Variants in PROKR2 observed in about 807,000 individuals in gnomAD.
The protein encoded by PROKR2 is prokineticin receptor 2.
Under a neutral mutation model 23.4 loss-of-function variants are expected in PROKR2, and 26 were observed. The ratio of observed to expected loss-of-function variants is 1.11; its 90% confidence interval spans 0.81 to 1.54. The LOEUF (loss-of-function observed/expected upper bound fraction) is 1.54. Ranked by LOEUF, PROKR2 falls within the 40% of genes most tolerant of loss-of-function variation. The probability of loss-of-function intolerance (pLI) is 0.00; values close to 1 mark genes in which losing one functional copy is unlikely to be tolerated. For missense variants in PROKR2, 453 were observed against 511.5 expected (o/e 0.89, Z 1.10); for synonymous variants, 212 against 201.2 (o/e 1.05, Z -0.45).
In PROKR2 at chr20:5,302,285, C is replaced by T. The variant is rs774799224; in HGVS notation, c.910G>A (p.Val304Met). The change falls in exon 3 of 3, where the codon GTG (valine) becomes ATG (methionine). Residue 304 changes from valine to methionine, a missense_variant. Physicochemically the swap from Val to Met is conservative, Grantham distance 21. Transcript: ENST00000678254. The part of the protein sequence containing the change: ...FTIVRDFFPT[V>M]FVKEKHYLTA... ...AGGTAGTGCTTTTCCTTCACGAACA[C>T]AGTGGGGAAGAAGTCACGAACGATG... is the stretch of plus-strand genomic sequence containing the variant. 6.2e-7 allele frequency: 1 copy of T among 1,614,252 alleles called. No individual in the cohort carries two copies. Among genetic ancestry groups the T allele is most frequent in the South Asian group, 1.1e-5 (1 of 91,084 alleles).
intron 2 of PROKR2, among the ~76,000 whole-genome samples, chr20:5,306,292 A>G (rs1362701333): frequency 6.6e-6 from 1 of 152,196 alleles, no homozygotes; most frequent in Non-Finnish European, 1.5e-5. Flanking sequence ...GAAAAAAATC[A>G]GGTAAATGGA....
In PROKR2 at chr20:5,302,134, G is replaced by A. The variant is rs752089250; in HGVS notation, c.1061C>T (p.Pro354Leu). 1 of 1,614,174 alleles carries A rather than the reference G, an allele frequency of 6.2e-7. No individual in the cohort carries two copies. The highest frequency in any genetic ancestry group is 8.5e-7 in the Non-Finnish European group (1 of 1,180,032). Residue 354 changes from proline (P) to leucine (L), a missense_variant, in exon 3 of 3, where the codon CCC becomes CTC. By Grantham distance (98) the Pro-to-Leu change is moderately conservative (BLOSUM62 -3). Coordinates refer to ENST00000678254, the MANE Select transcript of PROKR2 (RefSeq NM_144773.4). ...ACTGGACTTGCTCCCCCGCTGGGAG[G>A]GACGCCAGTGCAGCAGCATCATCTT... ...FKKMMLLHWR[P>L]SQRGSKSSAD...
At chr20:5,315,808 C>A (rs1447506977) in intron 1 of PROKR2, 1 of 456,234 alleles carries the variant, frequency 2.2e-6, no homozygotes, top group Non-Finnish European at 4.4e-6. Flanking sequence ...ACACCCCAAT[C>A]CCCGCAGCCT....
chr20:5,308,085 G>T (rs1428922677), intron 2 of PROKR2, among the ~76,000 whole-genome samples: 2 of 152,174 alleles, frequency 1.3e-5, no homozygotes, highest in African/African-American at 4.8e-5. Context: ...TCTTTGTATA[G>T]TCTGCAGATG....
chr20:5,302,853 C>A, intron 2 of PROKR2, 117 bp from the exon 3 acceptor site: 1 of 757,726 alleles, frequency 1.3e-6, no homozygotes, highest in Non-Finnish European at 2.2e-6. Flanking sequence ...TACTTGTTAT[C>A]CAGCTTTAAC....
rs149992595 is a variant in PROKR2 at position 5,302,327 on chromosome 20, G to A, written c.868C>T (p.Pro290Ser). The change falls in exon 3 of 3, where the codon CCC becomes TCC. Residue 290 changes from proline to serine, a missense_variant. By Grantham distance (74) the Pro-to-Ser change is moderately conservative. Transcript: ENST00000678254. ...ILTAYVLCWA[P>S]FYGFTIVRDF... The stretch of plus-strand genomic sequence containing the variant: ...CGAACGATGGTGAAACCGTAGAAGG[G>A]TGCCCAGCACAGCACATAGGCCGTG... 2.4e-4 allele frequency: 382 copies of A among 1,614,204 alleles called. No individual in the cohort carries two copies. The highest frequency in any genetic ancestry group is 3.5e-4 in the Admixed American group (21 of 60,028).
Position 5,308,665 on chromosome 20 carries a change from C to G in PROKR2, c.458+5247G>C, listed in dbSNP as rs987542762. On this transcript the variant is annotated intron_variant, in intron 2 of 2. Transcript: ENST00000678254. ...ATTTCTGTGTGTGTGTCTTTAATTC[C>G]TCTAGCGCTGCTGGGGTAGGGTCTC... 7.2e-4 allele frequency among the ~76,000 whole-genome samples: 110 copies of G among 152,264 alleles called. 2 individuals carry two copies. The highest frequency in any genetic ancestry group is 2.7e-3 in the East Asian group (14 of 5,186).
rs887083169 is a variant in PROKR2, at chr20:5,299,734, C to T, written c.*2306G>A. ...CTGCCTCTGGGGTTCAAGCAATTCTCATGCCTCAGCCTCCTGAGGAGCTGG... is the reference window on the plus strand; with the variant it reads ...CTGCCTCTGGGGTTCAAGCAATTCTTATGCCTCAGCCTCCTGAGGAGCTGG... On this transcript the variant is annotated 3_prime_UTR_variant, in exon 3 of 3. Coordinates refer to ENST00000678254, the MANE Select transcript of PROKR2 (RefSeq NM_144773.4). Among the ~76,000 whole-genome samples, 5 of 152,206 alleles carry T rather than the reference C, an allele frequency of 3.3e-5. No individual in the cohort carries two copies. Among genetic ancestry groups the T allele is most frequent in the African/African-American group, 1.2e-4 (5 of 41,454 alleles).
rs1223806775 is a variant in PROKR2, at chr20:5,316,295, C to T, written c.-9+199G>A. On this transcript the variant is annotated intron_variant, in intron 1 of 2. Coordinates refer to ENST00000678254, the MANE Select transcript of PROKR2 (RefSeq NM_144773.4). The surrounding 1 kb of genome is among the most constrained non-coding windows in gnomAD (Gnocchi z 5.0). ...CACAGACTCCGCTTACCGTACCCTA[C>T]CCGGTCCTAGAGGGCCCAGAGGGGA... is the stretch of plus-strand genomic sequence containing the variant. 2.2e-6 allele frequency: 1 copy of T among 456,610 alleles called. No individual in the cohort carries two copies. The highest frequency in any genetic ancestry group is 4.4e-6 in the Non-Finnish European group (1 of 226,978). The allele number at this position is 456,610 out of a possible 1,614,324, so 28.3% of individuals were successfully genotyped here.
chr20:5,302,029 A>T lies in PROKR2; in HGVS notation c.*11T>A. The T allele has an allele frequency of 6.2e-7, 1 of 1,612,140 alleles. No individual in the cohort carries two copies. Among genetic ancestry groups the T allele is most frequent in the Non-Finnish European group, 8.5e-7 (1 of 1,178,494 alleles). On this transcript the variant is annotated 3_prime_UTR_variant, in exon 3 of 3. Transcript: ENST00000678254. ...CTGGACTGGGGTTTTCAATTGTGTG[A>T]CACCAGTGGGTCACTTCAGCCTGAT...
At position 5,301,077 on chromosome 20, in the gene PROKR2, A is replaced by G. The variant is rs889933007; in HGVS notation, c.*963T>C. Among the ~76,000 whole-genome samples, 7 of 152,320 alleles carry G rather than the reference A, an allele frequency of 4.6e-5. No individual in the cohort carries two copies. Among genetic ancestry groups the G allele is most frequent in the Middle Eastern group, 3.4e-3 (1 of 294 alleles). ...AATCCTAGAGAATGCCCTGGGAGGC[A>G]GTAGGAGGTGGGTGGGAAAGTTCAG... On this transcript the variant is annotated 3_prime_UTR_variant, in exon 3 of 3. Coordinates refer to ENST00000678254, the MANE Select transcript of PROKR2 (RefSeq NM_144773.4).
At chr20:5,302,816 A>T (rs1361427191) in intron 2 of PROKR2, 80 bp from the exon 3 acceptor site, 1 of 1,035,866 alleles carries the variant, frequency 9.7e-7, no homozygotes, top group Non-Finnish European at 1.5e-6. Flanking sequence ...AACATACACT[A>T]AAGCAGTGGC....
intron 1 of PROKR2, among the ~76,000 whole-genome samples, chr20:5,315,202 C>T (rs1979616004): frequency 6.6e-6 from 1 of 150,812 alleles, no homozygotes; most frequent in Non-Finnish European, 1.5e-5. Flanking sequence ...GGGAATTCCC[C>T]TGCTGCTCCC....
At position 5,302,084 on chromosome 20, in the gene PROKR2, C is replaced by T. The variant is rs201023639; in HGVS notation, c.1111G>A (p.Gly371Arg). The change falls in exon 3 of 3, where the codon GGG (glycine) becomes AGG (arginine). Residue 371 changes from glycine (G) to arginine (R), a missense_variant. Physicochemically the swap from Gly to Arg is moderately radical, Grantham distance 125 (BLOSUM62 -2). Transcript: ENST00000678254. ...SSADLDLRTN[G>R]VPTTEEVDCI... ...TCCACCTCTTCTGTGGTGGGCACCCCGTTGGTTCTGAGGTCAAGGTCAGCA... is the reference window on the plus strand; with the variant it reads ...TCCACCTCTTCTGTGGTGGGCACCCTGTTGGTTCTGAGGTCAAGGTCAGCA... 9.9e-5 allele frequency: 159 copies of T among 1,614,018 alleles called. No homozygotes were observed. Among genetic ancestry groups the T allele is most frequent in the Non-Finnish European group, 1.2e-4 (145 of 1,180,032 alleles).
chr20:5,304,555 G>T (rs962525949), intron 2 of PROKR2, among the ~76,000 whole-genome samples: 5 of 152,166 alleles, frequency 3.3e-5, no homozygotes, highest in Non-Finnish European at 7.3e-5. Context: ...TATAACTGCA[G>T]ACCAACTTTT....
intron 2 of PROKR2, among the ~76,000 whole-genome samples, chr20:5,310,414 A>C (rs1273599472): frequency 6.6e-6 from 1 of 152,100 alleles, no homozygotes; most frequent in South Asian, 2.1e-4. Flanking sequence ...CTCCCACCCT[A>C]CATGTGTTAG....
chr20:5,307,560 C>T lies in PROKR2; in HGVS notation c.459-4824G>A, dbSNP rs571245710. ...TAGGAAGATTGCATTGCAGAACGGG[C>T]AGAGGTGCTGCGCAACGAATCCTAT... is the stretch of plus-strand genomic sequence containing the variant. On this transcript the variant is annotated intron_variant, in intron 2 of 2. Coordinates refer to ENST00000678254, the MANE Select transcript of PROKR2 (RefSeq NM_144773.4). Among the ~76,000 whole-genome samples, 4 of 152,338 alleles carry T rather than the reference C, an allele frequency of 2.6e-5. No homozygotes were observed. The South Asian group carries it at 8.3e-4, about 32-fold the overall frequency.
chr20:5,307,145 C>T (rs1414680248), intron 2 of PROKR2, among the ~76,000 whole-genome samples: 2 of 152,104 alleles, frequency 1.3e-5, no homozygotes, highest in Non-Finnish European at 2.9e-5. Flanking sequence ...AGGAGGACCC[C>T]AACTGTCACA....
chr20:5,314,395 T>A lies in PROKR2; in HGVS notation c.-8-18A>T. ...GGTGATGTCTGCAAGAAAAGTGGTG[T>A]GAGGGAGGTGCGAGGGGTGAGGGTC... On this transcript the variant is annotated intron_variant, in intron 1 of 2. Coordinates refer to ENST00000678254, the MANE Select transcript of PROKR2 (RefSeq NM_144773.4). 6.2e-7 allele frequency: 1 copy of A among 1,603,738 alleles called. No homozygotes were observed. Among genetic ancestry groups the A allele is most frequent in the Non-Finnish European group, 8.5e-7 (1 of 1,171,576 alleles).
Sources: gnomAD v4.1 joint callset for allele counts (sites outside exome capture counted in the v4.1 genomes callset) on GRCh38, gnomAD v4.1.1 for gene constraint, Gnocchi (gnomAD v3.1) non-coding constraint, MANE v1.5 for transcripts, NCBI Gene and HGNC (gene_info 2026-07-23, HGNC 2026-07-21) for gene names.